The following DLGAP5 variants were observed in gnomAD, a reference collection of about 807,000 sequenced individuals.
The protein encoded by DLGAP5 is disks large-associated protein 5.
In DLGAP5, 90 loss-of-function variants were observed where a neutral mutation model predicts 99.6. The observed-to-expected ratio is 0.90, with a 90% CI of 0.76 to 1.08. The LOEUF is 1.08. Ranked by LOEUF, DLGAP5 falls within the 50% of genes least tolerant of loss-of-function variation. The pLI is 0.00. For missense variants in DLGAP5, 1,036 were observed against 983.5 expected, an observed-to-expected ratio of 1.05 and a Z score of -0.71; for synonymous variants, 311 against 321.3, an observed-to-expected ratio of 0.97 and a Z score of 0.34.
chr14:55,148,756 T>C (rs1881911980), intron 18 of DLGAP5: 40 of 455,020 alleles, frequency 8.8e-5, no homozygotes, highest in South Asian at 8.0e-4. Flanking sequence ...ACAACAATGA[T>C]TATGCTACTT....
At chr14:55,161,780 A>G (rs1882445978) in intron 13 of DLGAP5, among the ~76,000 whole-genome samples, 1 of 144,846 alleles carries the variant, frequency 6.9e-6, no homozygotes, top group South Asian at 2.3e-4. Context: ...AGGCTGAGGC[A>G]GGAGAATCAC....
rs1472700910 is a variant in DLGAP5 at position 55,182,391 on chromosome 14, T to A, written c.474A>T (p.Lys158Asn). 1 of 1,612,786 alleles carries A rather than the reference T, an allele frequency of 6.2e-7. No individual in the cohort carries two copies. Among genetic ancestry groups the A allele is most frequent in the East Asian group, 2.2e-5 (1 of 44,774 alleles). Reference protein sequence around the residue: ...SSVRITRSKAKDQMEQTKIDN... With the variant: ...SSVRITRSKANDQMEQTKIDN... ...ATACCTTAGTCTGCTCCATTTGGTC[T>A]TTGGCCTTTGACCTTGTAATCCGTA... Residue 158 changes from lysine to asparagine, a missense_variant, in exon 4 of 19, where the codon AAA becomes AAT. Lys to Asn is a moderately conservative substitution (Grantham distance 94). Transcript: ENST00000247191.
intron 8 of DLGAP5, among the ~76,000 whole-genome samples, chr14:55,176,705 G>T (rs573529918): frequency 8.6e-5 from 13 of 152,022 alleles, no homozygotes; most frequent in Non-Finnish European, 1.9e-4. Context: ...TTGGCCGGGC[G>T]CGGTGGCTCA....
At chr14:55,158,375 G>C (rs553139401) in intron 14 of DLGAP5, 147 bp downstream of exon 14, 139 of 660,246 alleles carry the variant, frequency 2.1e-4, no homozygotes, top group Non-Finnish European at 2.9e-4. Flanking sequence ...AGCGAGCATA[G>C]TCTATTTTCT....
At chr14:55,172,599 G>C (rs1882899256) in intron 10 of DLGAP5, among the ~76,000 whole-genome samples, 1 of 152,000 alleles carries the variant, frequency 6.6e-6, no homozygotes, top group Non-Finnish European at 1.5e-5. Flanking sequence ...ACTCCAGCCT[G>C]GGTGACAGAG....
At chr14:55,172,247 T>C (rs1015315119) in intron 10 of DLGAP5, among the ~76,000 whole-genome samples, 3 of 145,920 alleles carry the variant, frequency 2.1e-5, no homozygotes, top group Non-Finnish European at 4.5e-5. Context: ...CAGCACTTTG[T>C]GAGGCTGAGG....
intron 8 of DLGAP5, among the ~76,000 whole-genome samples, chr14:55,176,441 G>A (rs956617035): frequency 4.6e-5 from 7 of 152,146 alleles, no homozygotes; most frequent in African/African-American, 1.2e-4. Context: ...GGAAAAAGTC[G>A]TATCTGAGCT....
intron 10 of DLGAP5, 107 bp from the exon 11 acceptor site, chr14:55,170,894 C>T (rs76123662): frequency 0.015 from 11,650 of 754,364 alleles, 135 homozygotes; most frequent in Non-Finnish European, 0.021. Flanking sequence ...AAAAGGGAGC[C>T]ACAATATTTT....
intron 2 of DLGAP5, among the ~76,000 whole-genome samples, chr14:55,184,156 A>G (rs919877833): frequency 7.7e-6 from 1 of 130,048 alleles, no homozygotes; most frequent in Non-Finnish European, 1.8e-5. Flanking sequence ...CCGTCTCAAG[A>G]AAAAAAAAAA....
rs182498594 is a variant in DLGAP5 at position 55,153,862 on chromosome 14, C to A, written c.2063+755G>T. ...CATGAGGTCAAGAGATCAAGACCAT[C>A]CTGGCCAACATAGTGAAACCCCGTC... is the stretch of plus-strand genomic sequence containing the variant. On this transcript the variant is annotated intron_variant, in intron 15 of 18. Transcript: ENST00000247191. 5.4e-3 allele frequency among the ~76,000 whole-genome samples: 822 copies of A among 152,206 alleles called. 2 individuals carry two copies. The highest frequency in any genetic ancestry group is 8.8e-3 in the Non-Finnish European group (600 of 68,026).
chr14:55,164,921 CAAAA>C (rs764017142), intron 12 of DLGAP5, among the ~76,000 whole-genome samples: 1 of 39,204 alleles, frequency 2.6e-5, no homozygotes. Flanking sequence ...GACTCTGTCT[CAAAA>C]AAAAAAAAAA....
intron 16 of DLGAP5, 100 bp downstream of exon 16, chr14:55,152,490 T>A (rs1882052980): frequency 1.1e-6 from 1 of 884,754 alleles, no homozygotes; most frequent in Non-Finnish European, 1.6e-6. Flanking sequence ...TGATTTAGAT[T>A]TCCAACGGAA....
intron 2 of DLGAP5, among the ~76,000 whole-genome samples, chr14:55,186,895 T>C (rs1479777668): frequency 6.6e-6 from 1 of 152,226 alleles, no homozygotes; most frequent in Admixed American, 6.5e-5. Flanking sequence ...CATTGTTCCT[T>C]GGTTCTTTAC....
At chr14:55,179,352 G>A (rs1279740743) in intron 7 of DLGAP5, among the ~76,000 whole-genome samples, 1 of 152,044 alleles carries the variant, frequency 6.6e-6, no homozygotes, top group Non-Finnish European at 1.5e-5. Context: ...CCTATGTCTT[G>A]GCTAATTCCC....
intron 2 of DLGAP5, among the ~76,000 whole-genome samples, chr14:55,188,645 GCT>G (rs1566510595): frequency 6.6e-6 from 1 of 151,958 alleles, no homozygotes; most frequent in African/African-American, 2.4e-5. Context: ...AGGCGCGGTG[GCT>G]CACACCTGTA....
intron 7 of DLGAP5, among the ~76,000 whole-genome samples, chr14:55,178,066 C>T (rs930962806): frequency 3.1e-5 from 4 of 129,114 alleles, no homozygotes; most frequent in Non-Finnish European, 6.1e-5. Context: ...TCCTGGCTAA[C>T]ACAGCAAAAC....
At position 55,148,423 on chromosome 14, in the gene DLGAP5, T is replaced by C; in HGVS notation, c.2469A>G (p.Gln823=). ...NPFTQLERRH[Q]EHARHISFGG... is the part of the protein sequence containing the mutation. ...CAAAAGAAATGTGTCTGGCATGTTC[T>C]TGATGTCTCCTCTCCAGCTGAGTAA... Residue 823 remains glutamine (Q), a synonymous_variant, in exon 19 of 19, where the codon CAA becomes CAG. Coordinates refer to ENST00000247191, the MANE Select transcript of DLGAP5 (RefSeq NM_014750.5). 6.2e-7 allele frequency: 1 copy of C among 1,614,210 alleles called. No homozygotes were observed. Among genetic ancestry groups the C allele is most frequent in the South Asian group, 1.1e-5 (1 of 91,086 alleles).
intron 13 of DLGAP5, among the ~76,000 whole-genome samples, chr14:55,161,992 G>A (rs1051402586): frequency 1.3e-5 from 2 of 148,664 alleles, no homozygotes; most frequent in Non-Finnish European, 3.0e-5. Context: ...GGATTACATA[G>A]TATAATAAAA....
intron 7 of DLGAP5, 109 bp from the exon 8 acceptor site, chr14:55,177,445 C>A: frequency 1.9e-6 from 2 of 1,035,592 alleles, no homozygotes; most frequent in Non-Finnish European, 2.7e-6. Context: ...GTTCTATGTA[C>A]ATAATTTGAG....
Sources: gnomAD v4.1 joint callset for allele counts (sites outside exome capture counted in the v4.1 genomes callset) on GRCh38, gnomAD v4.1.1 for gene constraint, MANE v1.5 for transcripts, NCBI Gene and HGNC (gene_info 2026-07-23, HGNC 2026-07-21) for gene names.